Variants in EDC3 observed in about 807,000 individuals in gnomAD.
EDC3 encodes the protein enhancer of mRNA decapping 3, also known as enhancer of mRNA-decapping protein 3.
Under a neutral mutation model 41.8 loss-of-function variants are expected in EDC3, and 20 were observed. The ratio of observed to expected loss-of-function variants is 0.48; its 90% CI spans 0.34 to 0.70. The LOEUF is 0.70. Among genes scored for constraint, EDC3 ranks in the 30% least tolerant of loss-of-function variants. EDC3 has a pLI of 0.01. For synonymous variants in EDC3, 206 were observed against 243.2 expected, an observed-to-expected ratio of 0.85 and a Z score of 1.42; for missense variants, 444 against 636.8, an observed-to-expected ratio of 0.70 and a Z score of 3.26.
At chr15:74,681,057 G>C (rs1361803759) in intron 1 of EDC3, among the ~76,000 whole-genome samples, 2 of 152,100 alleles carry the variant, frequency 1.3e-5, no homozygotes, top group African/African-American at 4.8e-5. Flanking sequence ...TTGGTATAAA[G>C]GATCAATGCA....
chr15:74,680,666 T>C (rs2062861135), intron 1 of EDC3, among the ~76,000 whole-genome samples: 1 of 152,124 alleles, frequency 6.6e-6, no homozygotes. Context: ...ATAAAAAAAG[T>C]ATACAGTTTG....
chr15:74,688,884 G>T (rs2141684219), intron 1 of EDC3, among the ~76,000 whole-genome samples: 1 of 150,508 alleles, frequency 6.6e-6, no homozygotes, highest in East Asian at 1.9e-4. Flanking sequence ...TCCAGTATGG[G>T]TGACAGAGCG....
chr15:74,669,622 T>C (rs60494023), intron 3 of EDC3, among the ~76,000 whole-genome samples: 5,911 of 152,160 alleles, frequency 0.039, 149 homozygotes, highest in Middle Eastern at 0.13. Flanking sequence ...AAGCTACTAA[T>C]AGAATTCACC....
At chr15:74,640,343 C>T (rs2062334367) in intron 5 of EDC3, 123 bp downstream of exon 5, 4 of 1,125,622 alleles carry the variant, frequency 3.6e-6, no homozygotes, top group Non-Finnish European at 3.8e-6. Context: ...CAGAGAGACA[C>T]TCCCATCAGA....
chr15:74,641,150 C>T (rs2062347049), intron 4 of EDC3: 1 of 153,592 alleles, frequency 6.5e-6, no homozygotes, highest in African/African-American at 2.4e-5. Context: ...CCCTCTTCCT[C>T]TTCCTTCTCT....
At chr15:74,676,620 A>G (rs779839813) in intron 1 of EDC3, among the ~76,000 whole-genome samples, 1 of 152,222 alleles carries the variant, frequency 6.6e-6, no homozygotes. Context: ...CAAAACTGAC[A>G]CAAGAAATTA....
intron 6 of EDC3, among the ~76,000 whole-genome samples, chr15:74,633,832 G>C (rs2062240484): frequency 6.6e-6 from 1 of 152,166 alleles, no homozygotes; most frequent in Non-Finnish European, 1.5e-5. Context: ...TCTCAGCCTA[G>C]AGTATTAGCA....
Position 74,632,566 on chromosome 15 carries a change from T to C in EDC3, c.*46A>G, listed in dbSNP as rs1257434828. ...CTTCATATCCTTAAGGCGTTTGTTATCAGGAGCAGCAGGGGACAGCAGAGT... is the reference window on the plus strand; with the variant it reads ...CTTCATATCCTTAAGGCGTTTGTTACCAGGAGCAGCAGGGGACAGCAGAGT... On this transcript the variant is annotated 3_prime_UTR_variant, in exon 7 of 7. Coordinates refer to ENST00000315127, the MANE Select transcript of EDC3 (RefSeq NM_025083.5). This position sits in a 1 kb window ranked among gnomAD's most constrained non-coding sequence, Gnocchi z 4.0. The C allele has an allele frequency of 4.4e-6, 7 of 1,588,974 alleles. No individual in the cohort carries two copies. The highest frequency in any genetic ancestry group is 1.7e-5 in the Admixed American group (1 of 59,282).
intron 3 of EDC3, among the ~76,000 whole-genome samples, chr15:74,661,412 GTAAA>G (rs2062618666): frequency 6.6e-6 from 1 of 152,130 alleles, no homozygotes; most frequent in African/African-American, 2.4e-5. Context: ...GCCTGTTTCT[GTAAA>G]TAAAGTTTTA....
intron 3 of EDC3, among the ~76,000 whole-genome samples, chr15:74,667,000 G>C (rs975482340): frequency 6.6e-6 from 1 of 152,138 alleles, no homozygotes. Context: ...AAAGGCAAAA[G>C]AAACAGTACG....
Position 74,655,881 on chromosome 15 carries a change from G to T in EDC3, c.672C>A (p.Thr224=). ...AACGGGTACCACTTCTCCTTTCATA[G>T]GTATCAATCTCCTCAAACACAGCTG... ...DKAAVFEEID[T]YERRSGTRSR... is the part of the protein sequence containing the mutation. Residue 224 remains threonine (T), a synonymous_variant, in exon 4 of 7, where the codon ACC becomes ACA. Coordinates refer to ENST00000315127, the MANE Select transcript of EDC3 (RefSeq NM_025083.5). 6.2e-7 allele frequency: 1 copy of T among 1,614,130 alleles called. No homozygotes were observed. Among genetic ancestry groups the T allele is most frequent in the Non-Finnish European group, 8.5e-7 (1 of 1,180,032 alleles).
At chr15:74,641,841 T>C (rs2062355896) in intron 4 of EDC3, 1 of 152,964 alleles carries the variant, frequency 6.5e-6, no homozygotes, top group African/African-American at 2.4e-5. Context: ...ATCAACGGAG[T>C]TGAGTTCTTA....
intron 4 of EDC3, among the ~76,000 whole-genome samples, chr15:74,650,134 C>T (rs2062464334): frequency 6.6e-6 from 1 of 152,138 alleles, no homozygotes; most frequent in Non-Finnish European, 1.5e-5. Context: ...CTCTTCTCTC[C>T]CCTCTCGTTC....
chr15:74,655,334 T>A (rs1025150039), intron 4 of EDC3, among the ~76,000 whole-genome samples: 3 of 152,268 alleles, frequency 2.0e-5, no homozygotes, highest in African/African-American at 7.2e-5. Flanking sequence ...CATCTTCAAC[T>A]GTTTTTTTGC....
At chr15:74,665,188 C>G (rs572369941) in intron 3 of EDC3, among the ~76,000 whole-genome samples, 1 of 152,266 alleles carries the variant, frequency 6.6e-6, no homozygotes, top group Admixed American at 6.5e-5. Flanking sequence ...CCAGGCCCAG[C>G]TAATTTTTTG....
At chr15:74,649,058 TAA>T (rs1351298676) in intron 4 of EDC3, among the ~76,000 whole-genome samples, 2 of 141,206 alleles carry the variant, frequency 1.4e-5, no homozygotes, top group African/African-American at 2.7e-5. Context: ...ACACCCTGGC[TAA>T]TTTTTTTTTT....
intron 6 of EDC3, among the ~76,000 whole-genome samples, chr15:74,633,681 C>A (rs1490834939): frequency 6.6e-6 from 1 of 152,178 alleles, no homozygotes; most frequent in Non-Finnish European, 1.5e-5. Flanking sequence ...ATAAATCAGA[C>A]CAAACTTAAT....
Position 74,671,820 on chromosome 15 carries a change from AG to A in EDC3, c.165-47del. ...AAGTCTCAAAATTATAATAGTGGTA[AG>A]AATGATGAAACTGAGATCATTAGCA... On this transcript the variant is annotated intron_variant, in intron 2 of 6. Transcript: ENST00000315127. This position sits in a 1 kb window ranked among gnomAD's most constrained non-coding sequence, Gnocchi z 4.6. The A allele has an allele frequency of 1.3e-6, 2 of 1,570,902 alleles. No homozygotes were observed. Among genetic ancestry groups the A allele is most frequent in the Non-Finnish European group, 1.7e-6 (2 of 1,145,846 alleles).
chr15:74,652,965 A>G (rs1164547764), intron 4 of EDC3, among the ~76,000 whole-genome samples: 1 of 152,102 alleles, frequency 6.6e-6, no homozygotes, highest in Non-Finnish European at 1.5e-5. Flanking sequence ...AGATCACTTG[A>G]GGCCAGGAGT....
Sources: gnomAD v4.1 joint callset for allele counts (sites outside exome capture counted in the v4.1 genomes callset) on GRCh38, gnomAD v4.1.1 for gene constraint, Gnocchi (gnomAD v3.1) non-coding constraint, MANE v1.5 for transcripts, NCBI Gene and HGNC (gene_info 2026-07-23, HGNC 2026-07-21) for gene names.